Variants in CPLANE1 observed in about 807,000 individuals in gnomAD.
CPLANE1 encodes the protein ciliogenesis and planar polarity effector complex subunit 1, also known as ciliogenesis and planar polarity effector 1.
CPLANE1 carries 263 observed loss-of-function variants against 362.5 expected under a neutral mutation model. The observed-to-expected ratio is 0.73, with a 90% CI of 0.66 to 0.80. CPLANE1 has a LOEUF of 0.80. CPLANE1 is among the 30% of genes least tolerant of loss of function. The pLI, the probability that CPLANE1 is intolerant of heterozygous loss-of-function variation, is 0.00. For missense variants in CPLANE1, 3,461 were observed against 3,793.4 expected, an observed-to-expected ratio of 0.91 and a Z score of 2.30; for synonymous variants, 1,212 against 1,302.6, an observed-to-expected ratio of 0.93 and a Z score of 1.50.
intron 12 of CPLANE1, among the ~76,000 whole-genome samples, chr5:37,225,561 G>A (rs1047571154): frequency 3.9e-5 from 6 of 152,010 alleles, no homozygotes; most frequent in African/African-American, 1.2e-4. Flanking sequence ...TTTTTTAAGA[G>A]GTCATTTTGG....
the CPLANE1 span, among the ~76,000 whole-genome samples, chr5:37,099,788 C>A: frequency 6.6e-6 from 1 of 152,160 alleles, no homozygotes; most frequent in African/African-American, 2.4e-5. Flanking sequence ...TTTTTCTCCA[C>A]AACCTCACCA....
At chr5:37,247,482 A>G in intron 2 of CPLANE1, 136 bp downstream of exon 2, 1 of 647,946 alleles carries the variant, frequency 1.5e-6, no homozygotes. Context: ...GTGTGCAGGT[A>G]GGTGATCCTC....
the CPLANE1 span, among the ~76,000 whole-genome samples, chr5:37,098,600 C>G: frequency 6.6e-6 from 1 of 151,796 alleles, no homozygotes; most frequent in African/African-American, 2.4e-5. Context: ...CATTAGCACA[C>G]AGGATATTTT....
chr5:37,203,438 T>C (rs6888095), intron 18 of CPLANE1, among the ~76,000 whole-genome samples: 8,123 of 152,284 alleles, frequency 0.053, 674 homozygotes, highest in African/African-American at 0.18. Context: ...CATTCACCAG[T>C]TGACGGACAT....
rs774161604 is a variant in CPLANE1, at chr5:37,187,518, C to G, written c.3976G>C (p.Glu1326Gln). Residue 1326 changes from glutamate to glutamine, a missense_variant, in exon 23 of 53, where the codon GAA (glutamate) becomes CAA (glutamine). By Grantham distance (29) the Glu-to-Gln change is conservative. Transcript: ENST00000651892. The stretch of plus-strand genomic sequence containing the variant: ...AAAGGCAGCATTCTATAAGCCCATT[C>G]CACTGCACTAAGACAGTGCTCAATC... ...CMIEHCLSAV[E>Q]WAYRMLPFSR... is the part of the protein sequence containing the mutation. 1 of 1,613,480 alleles carries G rather than the reference C, an allele frequency of 6.2e-7. No homozygotes were observed. The highest frequency in any genetic ancestry group is 8.5e-7 in the Non-Finnish European group (1 of 1,179,676).
chr5:37,234,258 T>C (rs1580964942), intron 8 of CPLANE1, among the ~76,000 whole-genome samples: 1 of 150,964 alleles, frequency 6.6e-6, no homozygotes, highest in East Asian at 2.0e-4. Flanking sequence ...TCCCCCAAAA[T>C]GCCAGAGAAA....
intron 46 of CPLANE1, among the ~76,000 whole-genome samples, chr5:37,137,095 G>C (rs1767953463): frequency 6.6e-6 from 1 of 152,116 alleles, no homozygotes; most frequent in South Asian, 2.1e-4. Flanking sequence ...TGCACTGTCA[G>C]CCTGCAAATT....
intron 16 of CPLANE1, among the ~76,000 whole-genome samples, chr5:37,208,468 G>C (rs527955230): frequency 1.9e-4 from 29 of 152,316 alleles, no homozygotes; most frequent in African/African-American, 6.7e-4. Flanking sequence ...AGGAGGTCAG[G>C]AGATCGAGAC....
intron 49 of CPLANE1, among the ~76,000 whole-genome samples, chr5:37,120,666 T>A (rs542021212): frequency 1.3e-5 from 2 of 152,228 alleles, no homozygotes; most frequent in Admixed American, 1.3e-4. Context: ...ACTTAACATA[T>A]AACTCTCAAC....
In CPLANE1 at chr5:37,209,947, CTT is replaced by C; in HGVS notation, c.2921-3524_2921-3523del. ...TACCCTCAGCGTATCAAGTTTGAGT[CTT>C]TAGAAATAAAGCTAAATGAATATAA... On this transcript the variant is annotated intron_variant, in intron 16 of 52. Coordinates refer to ENST00000651892, the MANE Select transcript of CPLANE1 (RefSeq NM_001384732.1). The surrounding 1 kb of genome is among the most constrained non-coding windows in gnomAD (Gnocchi z 4.6). 8.3e-7 allele frequency: 1 copy of C among 1,208,488 alleles called. No individual in the cohort carries two copies. The highest frequency in any genetic ancestry group is 1.2e-6 in the Non-Finnish European group (1 of 812,250). The allele number at this position is 1,208,488 out of a possible 1,614,324, so 74.9% of individuals were successfully genotyped here. A position where few individuals can be genotyped will look rare whatever the true frequency, so the allele number is the denominator to read the frequency against.
intron 46 of CPLANE1, among the ~76,000 whole-genome samples, chr5:37,137,581 T>A (rs1422489875): frequency 6.6e-6 from 1 of 152,204 alleles, no homozygotes. Flanking sequence ...GAACAATTTA[T>A]AAACGAAAGA....
chr5:37,149,926 A>C (rs1238693729), intron 42 of CPLANE1, among the ~76,000 whole-genome samples: 1 of 152,216 alleles, frequency 6.6e-6, no homozygotes, highest in Non-Finnish European at 1.5e-5. Flanking sequence ...CAGAATCAAA[A>C]CTAAGATAGC....
At chr5:37,083,291 C>T in the CPLANE1 span, among the ~76,000 whole-genome samples, 1 of 152,314 alleles carries the variant, frequency 6.6e-6, no homozygotes, top group East Asian at 1.9e-4. Context: ...GCCTTCAGCC[C>T]TAGACCTTCC....
intron 51 of CPLANE1, 56 bp from the exon 52 acceptor site, chr5:37,108,527 T>C: frequency 6.7e-7 from 1 of 1,483,036 alleles, no homozygotes; most frequent in Non-Finnish European, 9.2e-7. Flanking sequence ...ATTCATTCAT[T>C]CATTTGTTAA....
At position 37,129,768 on chromosome 5, in the gene CPLANE1, A is replaced by C. The variant is rs546895842; in HGVS notation, c.8793-4359T>G. On this transcript the variant is annotated intron_variant, in intron 46 of 52. Coordinates refer to ENST00000651892, the MANE Select transcript of CPLANE1 (RefSeq NM_001384732.1). ...ATAGATGTTGGCAGGGATGCGGTTA[A>C]AAGGGAACATTTTTATACTGCTGGT... Among the ~76,000 whole-genome samples the C allele has an allele frequency of 2.0e-5, 3 of 152,362 alleles. No individual in the cohort carries two copies. In the South Asian group the frequency reaches 6.2e-4, roughly 32 times the overall value.
At chr5:37,240,576 G>T (rs1335827826) in intron 6 of CPLANE1, among the ~76,000 whole-genome samples, 1 of 152,118 alleles carries the variant, frequency 6.6e-6, no homozygotes, top group Non-Finnish European at 1.5e-5. Context: ...TGAACTCAGA[G>T]CAAGAACTCA....
intron 21 of CPLANE1, among the ~76,000 whole-genome samples, chr5:37,191,771 T>C (rs1049981572): frequency 3.9e-5 from 6 of 152,338 alleles, no homozygotes; most frequent in African/African-American, 1.4e-4. Context: ...GACTTTGAAG[T>C]TGCAGTGAGC....
the CPLANE1 span, among the ~76,000 whole-genome samples, chr5:37,089,245 C>A: frequency 1.3e-4 from 20 of 152,116 alleles, 1 homozygote; most frequent in Non-Finnish European, 7.3e-5. Flanking sequence ...CACAGCCAAG[C>A]AGAGCACACG....
chr5:37,226,176 T>C (rs541410144), intron 12 of CPLANE1, 128 bp downstream of exon 12: 17 of 614,226 alleles, frequency 2.8e-5, no homozygotes, highest in Non-Finnish European at 3.8e-5. Flanking sequence ...CTTATAAATA[T>C]ACTAACAAAC....
Sources: allele counts gnomAD v4.1 joint callset (sites outside exome capture counted in the v4.1 genomes callset), GRCh38; gene constraint gnomAD v4.1.1; non-coding constraint Gnocchi (gnomAD v3.1); transcripts MANE v1.5; gene names NCBI Gene and HGNC (gene_info 2026-07-23, HGNC 2026-07-21).